The following RANBP2 variants were observed in gnomAD, a reference collection of about 807,000 sequenced individuals.
RANBP2 encodes RAN binding protein 2.
RANBP2 carries 57 observed loss-of-function variants against 303.6 expected under a neutral mutation model. That is an observed-to-expected ratio of 0.19 (90% CI 0.15 to 0.23). RANBP2 has a LOEUF of 0.23. Ranked by LOEUF, RANBP2 falls within the 10% of genes least tolerant of loss-of-function variation. The pLI, the probability that RANBP2 is intolerant of heterozygous loss-of-function variation, is 1.00. For synonymous variants in RANBP2, 1,167 were observed against 1,301.5 expected, an observed-to-expected ratio of 0.90 and a Z score of 2.23; for missense variants, 3,138 against 3,780.8, an observed-to-expected ratio of 0.83 and a Z score of 4.46.
chr2:109,453,483 T>C, the RANBP2 span, among the ~76,000 whole-genome samples: 6 of 152,334 alleles, frequency 3.9e-5, no homozygotes, highest in Admixed American at 3.9e-4. Context: ...CACCAGGTGA[T>C]ACGAACCCTC....
the RANBP2 span, among the ~76,000 whole-genome samples, chr2:109,355,614 T>C: frequency 6.6e-6 from 1 of 152,222 alleles, no homozygotes; most frequent in East Asian, 1.9e-4. Context: ...ACAGGTGTTG[T>C]CCCTGTATGC....
the RANBP2 span, among the ~76,000 whole-genome samples, chr2:109,030,109 C>G: frequency 6.6e-6 from 1 of 152,170 alleles, no homozygotes; most frequent in Non-Finnish European, 1.5e-5. Context: ...TTTGCTACCT[C>G]AGAATGTTCT....
the RANBP2 span, chr2:109,585,126 C>A: frequency 1.3e-6 from 2 of 1,550,608 alleles, no homozygotes; most frequent in South Asian, 1.2e-5. Flanking sequence ...AAACACATAC[C>A]TCTCTTCTTT....
chr2:109,586,213 C>G, the RANBP2 span, among the ~76,000 whole-genome samples: 1 of 151,934 alleles, frequency 6.6e-6, no homozygotes, highest in Non-Finnish European at 1.5e-5. Flanking sequence ...GAAAAAAAAG[C>G]ACAAAACAAA....
the RANBP2 span, among the ~76,000 whole-genome samples, chr2:109,730,776 CTTTTTTTTTTTTTTT>C: frequency 4.3e-3 from 340 of 79,420 alleles, 19 homozygotes; most frequent in South Asian, 0.12. Context: ...CTCTCTCTCT[CTTTTTTTTTTTTTTT>C]TTTTTTTTTT....
At position 108,768,326 on chromosome 2, in the gene RANBP2, T is replaced by G; in HGVS notation, c.7787T>G (p.Leu2596Arg). ...TCTTCAGATAGCAAAGTCAAAAATC[T>G]CTTTGCTTCCTTTCCAACGGAAGAA... ...EQSSDSKVKNLFASFPTEESS... is the reference protein window; with the variant it reads ...EQSSDSKVKNRFASFPTEESS... The change falls in exon 20 of 29, where the codon CTC (leucine) becomes CGC (arginine). Residue 2596 changes from leucine (L) to arginine (R), a missense_variant. Leu to Arg is a moderately radical substitution (Grantham distance 102). This residue lies in a region of RANBP2 where 497 missense variants were observed against 465.8 expected (regional missense o/e 1.07). Coordinates refer to ENST00000283195, the MANE Select transcript of RANBP2 (RefSeq NM_006267.5). 6.2e-7 allele frequency: 1 copy of G among 1,611,980 alleles called. No individual in the cohort carries two copies. Among genetic ancestry groups the G allele is most frequent in the Non-Finnish European group, 8.5e-7 (1 of 1,179,854 alleles).
the RANBP2 span, among the ~76,000 whole-genome samples, chr2:109,510,649 C>G: frequency 2.0e-5 from 3 of 152,224 alleles, no homozygotes; most frequent in African/African-American, 7.2e-5. Context: ...TGAGCACCCA[C>G]AGCCCCTTCC....
chr2:109,233,577 T>G, the RANBP2 span, among the ~76,000 whole-genome samples: 1 of 152,368 alleles, frequency 6.6e-6, no homozygotes, highest in South Asian at 2.1e-4. Context: ...TGTTCTCATT[T>G]AGGGCCATGG....
chr2:108,721,113 A>G (rs1343710504), intron 1 of RANBP2, among the ~76,000 whole-genome samples: 1 of 152,206 alleles, frequency 6.6e-6, no homozygotes, highest in Non-Finnish European at 1.5e-5. Flanking sequence ...TAGTAGCATA[A>G]TTGTGTCTCT....
the RANBP2 span, among the ~76,000 whole-genome samples, chr2:108,989,591 A>G: frequency 6.6e-6 from 1 of 151,968 alleles, no homozygotes. Context: ...GTCTGTTCAC[A>G]TTCTCACCCA....
At chr2:109,618,003 G>A in the RANBP2 span, 1 of 154,128 alleles carries the variant, frequency 6.5e-6, no homozygotes, top group Admixed American at 7.3e-5. Flanking sequence ...CTGGGCAACG[G>A]AGACTCTGTC....
chr2:109,189,960 GT>G, the RANBP2 span, among the ~76,000 whole-genome samples: 4 of 152,186 alleles, frequency 2.6e-5, no homozygotes, highest in East Asian at 5.8e-4. Flanking sequence ...TGTGTGGAAT[GT>G]TCCCCTGGTG....
chr2:109,633,490 G>A, the RANBP2 span, among the ~76,000 whole-genome samples: 13 of 152,124 alleles, frequency 8.5e-5, no homozygotes, highest in Non-Finnish European at 1.6e-4. Flanking sequence ...GGAACAGGCA[G>A]GAAATGATGC....
At chr2:109,051,493 C>T in the RANBP2 span, among the ~76,000 whole-genome samples, 3 of 152,158 alleles carry the variant, frequency 2.0e-5, no homozygotes, top group African/African-American at 7.2e-5. Context: ...GGTATAGAGT[C>T]GTCCGCAATG....
the RANBP2 span, among the ~76,000 whole-genome samples, chr2:109,740,519 A>G: frequency 3.2e-3 from 485 of 152,312 alleles, 2 homozygotes; most frequent in African/African-American, 0.011. Context: ...AGCAGGTTAC[A>G]TATTCTCCAG....
At chr2:109,376,658 A>AC in the RANBP2 span, among the ~76,000 whole-genome samples, 960 of 152,088 alleles carry the variant, frequency 6.3e-3, 10 homozygotes, top group East Asian at 0.047. Flanking sequence ...ACTGAAAAAG[A>AC]CCCCCCAGAG....
the RANBP2 span, among the ~76,000 whole-genome samples, chr2:108,908,986 T>G: frequency 6.6e-6 from 1 of 151,856 alleles, no homozygotes; most frequent in Admixed American, 6.6e-5. Context: ...CGAGAGAAGG[T>G]GAGGTGGAGC....
At chr2:108,946,919 A>G in the RANBP2 span, among the ~76,000 whole-genome samples, 1 of 151,854 alleles carries the variant, frequency 6.6e-6, no homozygotes, top group Non-Finnish European at 1.5e-5. Flanking sequence ...TTTCAAAACC[A>G]ATCATGCCTT....
the RANBP2 span, among the ~76,000 whole-genome samples, chr2:109,046,534 G>A: frequency 6.6e-6 from 1 of 151,190 alleles, no homozygotes; most frequent in African/African-American, 2.4e-5. Flanking sequence ...AGCCTCCCAG[G>A]TAGCTGGGAT....
Sources: gnomAD v4.1 joint callset for allele counts (sites outside exome capture counted in the v4.1 genomes callset) on GRCh38, gnomAD v4.1.1 for gene constraint, gnomAD v4.1.1 regional missense constraint, MANE v1.5 for transcripts, NCBI Gene and HGNC (gene_info 2026-07-23, HGNC 2026-07-21) for gene names.